Variants in CD99 observed in about 807,000 individuals in gnomAD.
The protein encoded by CD99 is CD99 molecule (Xg blood group), also known as CD99 antigen.
Under a neutral mutation model 28.4 loss-of-function variants are expected in CD99, and 19 were observed. The ratio of observed to expected loss-of-function variants is 0.67; its 90% CI spans 0.47 to 0.98. The LOEUF is 0.98. Ranked by LOEUF, CD99 falls within the 50% of genes least tolerant of loss-of-function variation. The pLI, the probability that CD99 is intolerant of heterozygous loss-of-function variation, is 0.00. For missense variants in CD99, 283 were observed against 248.8 expected, an observed-to-expected ratio of 1.14 and a Z score of -0.92; for synonymous variants, 103 against 92.1, an observed-to-expected ratio of 1.12 and a Z score of -0.67.
intron 1 of CD99, among the ~76,000 whole-genome samples, chrX:2,703,605 AGTGTGTGTGTGTGTGTGT>A (rs556444956): frequency 2.7e-4 from 38 of 138,490 alleles, no homozygotes; most frequent in East Asian, 1.3e-3. Context: ...CGAGCTGTTA[AGTGTGTGTGTGTGTGTGT>A]GTGTGTGTGT....
At chrX:2,728,853 T>C (rs1347328801) in intron 8 of CD99, among the ~76,000 whole-genome samples, 13 of 150,806 alleles carry the variant, frequency 8.6e-5, no homozygotes, top group Non-Finnish European at 1.5e-4. Flanking sequence ...TTTTTTTTTT[T>C]TGAGACGGAG....
At chrX:2,693,920 G>A (rs2047448950) in intron 1 of CD99, among the ~76,000 whole-genome samples, 1 of 152,188 alleles carries the variant, frequency 6.6e-6, no homozygotes, top group Non-Finnish European at 1.5e-5. Flanking sequence ...GGCAGCTTAG[G>A]GAAGCTGCTC....
chrX:2,732,573 CTT>C (rs200451375), intron 8 of CD99, among the ~76,000 whole-genome samples: 8 of 144,620 alleles, frequency 5.5e-5, no homozygotes, highest in Admixed American at 4.1e-4. Context: ...CTCTCTCTCT[CTT>C]TTCATTCTTT....
chrX:2,716,426 G>T (rs1000332763), intron 2 of CD99, among the ~76,000 whole-genome samples: 1 of 151,846 alleles, frequency 6.6e-6, no homozygotes, highest in Non-Finnish European at 1.5e-5. Flanking sequence ...AGCCTTGACC[G>T]TCTGGGCTCA....
chrX:2,722,362 C>T (rs2049033902), intron 5 of CD99, among the ~76,000 whole-genome samples: 1 of 152,010 alleles, frequency 6.6e-6, no homozygotes, highest in African/African-American at 2.4e-5. Context: ...CTCTTCTTGC[C>T]CAGGCTGGAG....
chrX:2,738,209 G>C lies in CD99; in HGVS notation c.485G>C (p.Gly162Ala). Residue 162 changes from glycine to alanine, a missense_variant, in exon 9 of 10, where the codon GGG becomes GCG. Coordinates refer to ENST00000381192, the MANE Select transcript of CD99 (RefSeq NM_002414.5). Reference sequence around the variant, plus strand: ...TTCTTCTTCTTTTCAGCAGAACAAGGGGAGGTGGACATGGAGAGCCACCGG... The same window carrying C: ...TTCTTCTTCTTTTCAGCAGAACAAGCGGAGGTGGACATGGAGAGCCACCGG... ...KLCFKENAEQ[G>A]EVDMESHRNA... 1 of 1,613,862 alleles carries C rather than the reference G, an allele frequency of 6.2e-7. No homozygotes were observed.
intron 1 of CD99, among the ~76,000 whole-genome samples, chrX:2,708,774 G>A (rs753825272): frequency 3.3e-5 from 5 of 152,266 alleles, no homozygotes; most frequent in Admixed American, 3.3e-4. Flanking sequence ...GCTGAGCTTG[G>A]GGTCCGGGGA....
At chrX:2,737,965 ACCCTGTTGAAGTTC>A (rs2050029233) in intron 8 of CD99, 1 of 711,156 alleles carries the variant, frequency 1.4e-6, no homozygotes, top group South Asian at 1.5e-5. Context: ...TGCTTGGATT[ACCCTGTTGAAGTTC>A]ATCTCTGCCT....
At chrX:2,700,800 T>C (rs1335702724) in intron 1 of CD99, among the ~76,000 whole-genome samples, 1 of 151,780 alleles carries the variant, frequency 6.6e-6, no homozygotes, top group Non-Finnish European at 1.5e-5. Context: ...CATCCATTTA[T>C]CCGTTCACCC....
At chrX:2,700,537 C>T (rs1319329704) in intron 1 of CD99, among the ~76,000 whole-genome samples, 1 of 151,644 alleles carries the variant, frequency 6.6e-6, no homozygotes, top group East Asian at 1.9e-4. Flanking sequence ...TCCATCCATC[C>T]ATGCGTGCAT....
intron 8 of CD99, among the ~76,000 whole-genome samples, chrX:2,728,830 C>G (rs1197692185): frequency 2.1e-5 from 3 of 142,936 alleles, no homozygotes; most frequent in Non-Finnish European, 4.5e-5. Context: ...TTCAAACTCT[C>G]TGGCTTTTTT....
chrX:2,729,739 C>T (rs1419603542), intron 8 of CD99, among the ~76,000 whole-genome samples: 1 of 152,168 alleles, frequency 6.6e-6, no homozygotes, highest in Non-Finnish European at 1.5e-5. Context: ...TCCGCCCCGC[C>T]ACCCCTGGGT....
At chrX:2,710,605 A>G (rs1271308581) in intron 1 of CD99, among the ~76,000 whole-genome samples, 1 of 151,524 alleles carries the variant, frequency 6.6e-6, no homozygotes, top group African/African-American at 2.4e-5. Flanking sequence ...TTCTAAAGAG[A>G]ATGTCTTTCT....
chrX:2,717,347 C>CAAAAA (rs111805240), intron 2 of CD99: 37 of 345,732 alleles, frequency 1.1e-4, no homozygotes, highest in Middle Eastern at 8.2e-4. Context: ...GACTTGGTCT[C>CAAAAA]AAAAAAAAAA....
intron 8 of CD99, among the ~76,000 whole-genome samples, chrX:2,726,904 A>G (rs760250748): frequency 6.6e-5 from 10 of 152,172 alleles, no homozygotes; most frequent in East Asian, 1.9e-4. Context: ...GGAGGCCGAG[A>G]CGGGCGGATC....
chrX:2,738,151 G>T (rs1556343079), intron 8 of CD99, 49 bp from the exon 9 acceptor site: 1 of 1,532,444 alleles, frequency 6.5e-7, no homozygotes, highest in Non-Finnish European at 9.0e-7. Context: ...TTGAGGAGTG[G>T]GTTATCTGTT....
chrX:2,696,519 G>A (rs979965868), intron 1 of CD99, among the ~76,000 whole-genome samples: 18 of 152,108 alleles, frequency 1.2e-4, no homozygotes, highest in Non-Finnish European at 2.5e-4. Flanking sequence ...TCCTGTCTCA[G>A]CCTCCTGAGT....
At position 2,740,854 on chromosome X, in the gene CD99, C is replaced by G. The variant is rs1164497995; in HGVS notation, c.*50C>G. 2 of 1,601,212 alleles carry G rather than the reference C, an allele frequency of 1.2e-6. No individual in the cohort carries two copies. The highest frequency in any genetic ancestry group is 1.7e-6 in the Non-Finnish European group (2 of 1,168,228). On this transcript the variant is annotated 3_prime_UTR_variant, in exon 10 of 10. Transcript: ENST00000381192. ...GGCGTTGGCAGCAGGGTTAGAACAG[C>G]TGCCTGAGGCTCCTCCCTGAAGGAC...
At chrX:2,732,256 C>T (rs951904997) in intron 8 of CD99, among the ~76,000 whole-genome samples, 3 of 152,032 alleles carry the variant, frequency 2.0e-5, no homozygotes, top group African/African-American at 7.2e-5. Flanking sequence ...GGACCTGGCT[C>T]AGACCACTAA....
Sources: gnomAD v4.1 joint callset for allele counts (sites outside exome capture counted in the v4.1 genomes callset) on GRCh38, gnomAD v4.1.1 for gene constraint, MANE v1.5 for transcripts, NCBI Gene and HGNC (gene_info 2026-07-23, HGNC 2026-07-21) for gene names.